The following UNC13C variants were observed in gnomAD, a reference collection of about 807,000 sequenced individuals.
UNC13C encodes the protein protein unc-13 homolog C.
In UNC13C, 174 loss-of-function variants were observed where a neutral mutation model predicts 245.4. The ratio of observed to expected loss-of-function variants is 0.71; its 90% CI spans 0.63 to 0.80. The LOEUF is 0.80. Ranked by LOEUF, UNC13C falls within the 30% of genes least tolerant of loss-of-function variation. The pLI, the probability that UNC13C is intolerant of heterozygous loss-of-function variation, is 0.00. For missense variants in UNC13C, 2,829 were observed against 2,602.9 expected (o/e 1.09, Z -1.89); for synonymous variants, 992 against 895.1 (o/e 1.11, Z -1.93).
intron 30 of UNC13C, among the ~76,000 whole-genome samples, chr15:54,572,501 C>G (rs1596593597): frequency 6.7e-6 from 1 of 149,574 alleles, no homozygotes; most frequent in Non-Finnish European, 1.5e-5. Context: ...TCTCGGCTCA[C>G]TGCGGCCTCT....
At chr15:54,101,734 C>T (rs533841197) in intron 2 of UNC13C, among the ~76,000 whole-genome samples, 1 of 152,104 alleles carries the variant, frequency 6.6e-6, no homozygotes, top group Admixed American at 6.6e-5. Flanking sequence ...GCAAGGCACG[C>T]ACCACCGCAC....
intron 7 of UNC13C, among the ~76,000 whole-genome samples, chr15:54,240,639 C>A (rs1425452870): frequency 2.0e-5 from 3 of 152,124 alleles, no homozygotes; most frequent in South Asian, 2.1e-4. Context: ...TCGCCAGTGC[C>A]CCCATCCATC....
chr15:54,194,197 G>A (rs1213010744), intron 4 of UNC13C, among the ~76,000 whole-genome samples: 5 of 152,062 alleles, frequency 3.3e-5, no homozygotes, highest in African/African-American at 9.7e-5. Flanking sequence ...AAGTTAGACG[G>A]GGTGATAGTT....
intron 2 of UNC13C, among the ~76,000 whole-genome samples, chr15:54,033,255 A>G (rs140194742): frequency 0.028 from 4,237 of 152,284 alleles, 71 homozygotes; most frequent in South Asian, 0.087. Context: ...AAAATACACA[A>G]TGTACTTCTA....
chr15:53,950,920 G>A, the UNC13C span, among the ~76,000 whole-genome samples: 1 of 152,134 alleles, frequency 6.6e-6, no homozygotes, highest in Non-Finnish European at 1.5e-5. Context: ...TGTAACAACA[G>A]TTATTATATA....
chr15:53,932,567 C>T, the UNC13C span, among the ~76,000 whole-genome samples: 2 of 152,130 alleles, frequency 1.3e-5, no homozygotes, highest in Admixed American at 6.5e-5. Flanking sequence ...TAATTTTCTT[C>T]AAGAAACTCT....
intron 18 of UNC13C, among the ~76,000 whole-genome samples, chr15:54,411,564 ATTC>A (rs2040416766): frequency 6.6e-6 from 1 of 152,128 alleles, no homozygotes; most frequent in African/African-American, 2.4e-5. Flanking sequence ...GCATGTGGTT[ATTC>A]AAGTATTTTA....
intron 19 of UNC13C, among the ~76,000 whole-genome samples, chr15:54,491,817 C>T (rs1294691799): frequency 6.6e-6 from 1 of 151,888 alleles, no homozygotes; most frequent in African/African-American, 2.4e-5. Context: ...GGTGAAACCC[C>T]GTCTCTACTA....
intron 17 of UNC13C, among the ~76,000 whole-genome samples, chr15:54,384,778 T>C (rs1226229113): frequency 6.6e-6 from 1 of 152,120 alleles, no homozygotes; most frequent in African/African-American, 2.4e-5. Context: ...AGGGCACTAA[T>C]ATCTGGAATA....
chr15:54,621,997 G>A (rs1435358617), intron 30 of UNC13C, among the ~76,000 whole-genome samples: 1 of 152,002 alleles, frequency 6.6e-6, no homozygotes, highest in Non-Finnish European at 1.5e-5. Flanking sequence ...AAAAAGCAAT[G>A]GTGCATCCTT....
At chr15:53,964,247 G>C in the UNC13C span, among the ~76,000 whole-genome samples, 1 of 152,132 alleles carries the variant, frequency 6.6e-6, no homozygotes, top group Non-Finnish European at 1.5e-5. Flanking sequence ...CAAACAGCTT[G>C]ACTAAGTGGG....
chr15:53,866,624 C>A, the UNC13C span, among the ~76,000 whole-genome samples: 1 of 152,150 alleles, frequency 6.6e-6, no homozygotes. Flanking sequence ...CCGCAGGCAC[C>A]AGATCCAATG....
chr15:54,437,350 A>T, intron 19 of UNC13C, among the ~76,000 whole-genome samples: 1 of 152,016 alleles, frequency 6.6e-6, no homozygotes, highest in Middle Eastern at 3.2e-3. Context: ...TACATCTATT[A>T]TATAAGCTTC....
At chr15:53,846,771 A>C in the UNC13C span, among the ~76,000 whole-genome samples, 1 of 152,170 alleles carries the variant, frequency 6.6e-6, no homozygotes, top group African/African-American at 2.4e-5. Flanking sequence ...CAGAAATAAT[A>C]TTTTCAGGAA....
At chr15:54,307,512 A>G (rs886256720) in intron 13 of UNC13C, among the ~76,000 whole-genome samples, 3 of 152,002 alleles carry the variant, frequency 2.0e-5, no homozygotes, top group Non-Finnish European at 4.4e-5. Flanking sequence ...CAATGGGGAA[A>G]TAGCAGTAAA....
At chr15:54,462,446 G>A (rs1891897173) in intron 19 of UNC13C, among the ~76,000 whole-genome samples, 1 of 152,192 alleles carries the variant, frequency 6.6e-6, no homozygotes, top group Non-Finnish European at 1.5e-5. Flanking sequence ...TTTGCAGGGA[G>A]GTGTGGAGGG....
intron 4 of UNC13C, among the ~76,000 whole-genome samples, chr15:54,185,197 A>C (rs904251226): frequency 6.7e-6 from 1 of 148,198 alleles, no homozygotes; most frequent in Non-Finnish European, 1.5e-5. Context: ...AGGTTGCAAA[A>C]ATTTTTCTCC....
the UNC13C span, among the ~76,000 whole-genome samples, chr15:53,851,713 A>G: frequency 1.3e-5 from 2 of 152,168 alleles, no homozygotes; most frequent in Non-Finnish European, 2.9e-5. Flanking sequence ...GCTTTAGATC[A>G]TGCCCTTTTT....
the UNC13C span, among the ~76,000 whole-genome samples, chr15:53,846,390 A>G: frequency 1.3e-5 from 2 of 152,296 alleles, no homozygotes; most frequent in South Asian, 2.1e-4. Flanking sequence ...ATTTGTCTGC[A>G]TGCACTTTAC....
Sources: allele counts gnomAD v4.1 joint callset (sites outside exome capture counted in the v4.1 genomes callset), GRCh38; gene constraint gnomAD v4.1.1; transcripts MANE v1.5; gene names NCBI Gene and HGNC (gene_info 2026-07-23, HGNC 2026-07-21).